The following NKAIN2 variants were observed in gnomAD, a reference collection of about 807,000 sequenced individuals.
The protein encoded by NKAIN2 is sodium/potassium transporting ATPase interacting 2.
In NKAIN2, 14 loss-of-function variants were observed where a neutral mutation model predicts 32.6. That is an observed-to-expected ratio of 0.43 (90% CI 0.28 to 0.67). NKAIN2 has a LOEUF of 0.67. NKAIN2 is among the 30% of genes least tolerant of loss of function. NKAIN2 has a pLI of 0.17. For missense variants in NKAIN2, 198 were observed against 258.3 expected (o/e 0.77, Z 1.60); for synonymous variants, 80 against 87.2 (o/e 0.92, Z 0.46).
At chr6:124,605,736 A>G (rs960078341) in intron 3 of NKAIN2, among the ~76,000 whole-genome samples, 2 of 152,052 alleles carry the variant, frequency 1.3e-5, no homozygotes, top group Non-Finnish European at 2.9e-5. Context: ...CTCTCATTTT[A>G]TAAATTTAGG....
intron 1 of NKAIN2, among the ~76,000 whole-genome samples, chr6:124,073,940 C>T (rs1329706781): frequency 6.6e-6 from 1 of 152,108 alleles, no homozygotes; most frequent in African/African-American, 2.4e-5. Flanking sequence ...TATTTGGGGT[C>T]TCTACGAACT....
At chr6:124,538,359 A>G (rs1583407775) in intron 3 of NKAIN2, among the ~76,000 whole-genome samples, 1 of 152,220 alleles carries the variant, frequency 6.6e-6, no homozygotes, top group Non-Finnish European at 1.5e-5. Context: ...TTTTCTTGGC[A>G]GTAGGAAAAC....
Position 124,515,712 on chromosome 6 carries a change from TC to T in NKAIN2, c.274-142473del. Among the ~76,000 whole-genome samples the T allele has an allele frequency of 1.1e-3, 4 of 3,578 alleles. 2 individuals carry two copies. In the Non-Finnish European group the frequency reaches 0.028, roughly 25 times the overall value. 2.3% of individuals were successfully genotyped at this position (3,578 alleles called of 152,430 possible). On this transcript the variant is annotated intron_variant, in intron 3 of 6. Coordinates refer to ENST00000368417, the MANE Select transcript of NKAIN2 (RefSeq NM_001040214.3). ...CCCTACTTCATTTTTCTTCGCTTTC[TC>T]TCCGTCTCGCTCTGTCGCCCAGGCT... is the stretch of plus-strand genomic sequence containing the variant.
intron 3 of NKAIN2, among the ~76,000 whole-genome samples, chr6:124,437,407 A>G (rs974938080): frequency 6.6e-6 from 1 of 152,170 alleles, no homozygotes; most frequent in Non-Finnish European, 1.5e-5. Flanking sequence ...ATTTTTGCCA[A>G]TTATTTGATC....
intron 3 of NKAIN2, among the ~76,000 whole-genome samples, chr6:124,483,030 G>A (rs1487915059): frequency 6.7e-6 from 1 of 149,238 alleles, no homozygotes; most frequent in Admixed American, 6.7e-5. Context: ...GCTGAGGCAG[G>A]AGAATGGCGT....
chr6:124,471,268 C>G (rs1452481984), intron 3 of NKAIN2, among the ~76,000 whole-genome samples: 1 of 152,080 alleles, frequency 6.6e-6, no homozygotes, highest in Non-Finnish European at 1.5e-5. Context: ...GGCCTCAAAA[C>G]ATGAAATTCT....
intron 1 of NKAIN2, among the ~76,000 whole-genome samples, chr6:124,056,405 TTAAAGA>T (rs1316561532): frequency 1.3e-5 from 2 of 151,934 alleles, no homozygotes; most frequent in African/African-American, 2.4e-5. Context: ...CAAAAAAAAC[TTAAAGA>T]TATTCTTTGA....
intron 4 of NKAIN2, among the ~76,000 whole-genome samples, chr6:124,734,229 A>G (rs946207788): frequency 1.1e-4 from 17 of 151,858 alleles, no homozygotes; most frequent in African/African-American, 3.6e-4. Context: ...TTCATATCCA[A>G]CAAGTATGTA....
At chr6:124,106,656 A>G (rs1204855660) in intron 1 of NKAIN2, among the ~76,000 whole-genome samples, 1 of 152,196 alleles carries the variant, frequency 6.6e-6, no homozygotes, top group African/African-American at 2.4e-5. Flanking sequence ...TTATCTGGTG[A>G]TGTGCTTTAT....
chr6:124,775,379 T>C (rs1778943995), intron 4 of NKAIN2, among the ~76,000 whole-genome samples: 1 of 152,198 alleles, frequency 6.6e-6, no homozygotes, highest in South Asian at 2.1e-4. Flanking sequence ...CTTCTGTTCG[T>C]ATTCATTGAA....
chr6:124,659,991 T>C (rs2114433413), intron 4 of NKAIN2, among the ~76,000 whole-genome samples: 1 of 152,288 alleles, frequency 6.6e-6, no homozygotes. Flanking sequence ...TAAAAGTGCT[T>C]ACTTTGCTTA....
At chr6:123,996,643 G>A (rs376610779) in intron 1 of NKAIN2, among the ~76,000 whole-genome samples, 7 of 152,058 alleles carry the variant, frequency 4.6e-5, no homozygotes, top group Admixed American at 1.3e-4. Flanking sequence ...TAATGCCTTT[G>A]CCTTATTTAT....
chr6:123,845,699 C>T (rs1374827945), intron 1 of NKAIN2, among the ~76,000 whole-genome samples: 2 of 152,180 alleles, frequency 1.3e-5, no homozygotes. Context: ...TGTAGGACTT[C>T]AGTGAGTCTG....
intron 3 of NKAIN2, among the ~76,000 whole-genome samples, chr6:124,480,032 A>G (rs182672118): frequency 6.6e-6 from 1 of 152,224 alleles, no homozygotes; most frequent in South Asian, 2.1e-4. Context: ...AACAGATTGC[A>G]GAGGAAAATA....
chr6:124,156,504 C>T (rs1463345100), intron 1 of NKAIN2, among the ~76,000 whole-genome samples: 1 of 151,934 alleles, frequency 6.6e-6, no homozygotes, highest in Middle Eastern at 3.2e-3. Flanking sequence ...AAAGGAAACA[C>T]CAAGTTCAAG....
intron 3 of NKAIN2, among the ~76,000 whole-genome samples, chr6:124,621,496 A>G (rs1370614236): frequency 6.6e-6 from 1 of 151,980 alleles, no homozygotes; most frequent in Non-Finnish European, 1.5e-5. Flanking sequence ...TAAGTCAGCA[A>G]CTCCAGACCC....
At chr6:124,343,677 T>C (rs948879919) in intron 2 of NKAIN2, among the ~76,000 whole-genome samples, 5 of 149,290 alleles carry the variant, frequency 3.3e-5, no homozygotes, top group Non-Finnish European at 7.4e-5. Context: ...TTGATGGGGT[T>C]GTTTGTTTTT....
At chr6:124,434,042 A>G (rs922764316) in intron 3 of NKAIN2, among the ~76,000 whole-genome samples, 2 of 152,170 alleles carry the variant, frequency 1.3e-5, no homozygotes, top group Non-Finnish European at 2.9e-5. Context: ...CATCTGATGC[A>G]GTGGCAGTGA....
chr6:124,286,642 T>TTGTG (rs56396833), intron 2 of NKAIN2, among the ~76,000 whole-genome samples: 6,345 of 144,488 alleles, frequency 0.044, 154 homozygotes, highest in Non-Finnish European at 0.058. Flanking sequence ...GTTTGGAAAA[T>TTGTG]TGTGTGTGTG....
Sources: gnomAD v4.1 joint callset for allele counts (sites outside exome capture counted in the v4.1 genomes callset) on GRCh38, gnomAD v4.1.1 for gene constraint, MANE v1.5 for transcripts, NCBI Gene and HGNC (gene_info 2026-07-23, HGNC 2026-07-21) for gene names.